PTPRD: variants seen among roughly 807,000 people sequenced by gnomAD.
PTPRD encodes receptor-type tyrosine-protein phosphatase delta.
In PTPRD, 34 loss-of-function variants were observed where a neutral mutation model predicts 214.5. That is an observed-to-expected ratio of 0.16 (90% CI 0.12 to 0.21). The LOEUF (loss-of-function observed/expected upper bound fraction) is 0.21, where lower values mean the gene tolerates loss of function less well. PTPRD is among the 10% of genes least tolerant of loss of function. PTPRD has a pLI of 1.00. For synonymous variants in PTPRD, 1,128 were observed against 845.7 expected (o/e 1.33, Z -5.79); for missense variants, 2,545 against 2,398.7 (o/e 1.06, Z -1.27).
chr9:9,800,908 T>G (rs999378864), intron 5 of PTPRD, among the ~76,000 whole-genome samples: 1 of 152,176 alleles, frequency 6.6e-6, no homozygotes, highest in Non-Finnish European at 1.5e-5. Flanking sequence ...CAGAAGCATT[T>G]ACATCTCTGA....
chr9:9,952,046 G>T (rs2093501755), intron 4 of PTPRD, among the ~76,000 whole-genome samples: 1 of 152,182 alleles, frequency 6.6e-6, no homozygotes, highest in Non-Finnish European at 1.5e-5. Context: ...TTTTGGCAAA[G>T]TATTGAGGAG....
chr9:8,327,369 T>C (rs1001575753), intron 44 of PTPRD, among the ~76,000 whole-genome samples: 28 of 152,066 alleles, frequency 1.8e-4, no homozygotes, highest in African/African-American at 6.8e-4. Flanking sequence ...AATCTTGAGT[T>C]CTAATTTGAT....
chr9:8,838,205 A>G (rs2097480121), intron 11 of PTPRD, among the ~76,000 whole-genome samples: 1 of 152,180 alleles, frequency 6.6e-6, no homozygotes. Context: ...ACCCATGAAC[A>G]GAAACCAGAA....
intron 7 of PTPRD, among the ~76,000 whole-genome samples, chr9:9,729,792 C>A (rs1389440224): frequency 6.6e-6 from 1 of 151,864 alleles, no homozygotes; most frequent in Non-Finnish European, 1.5e-5. Context: ...TTAGTAAATT[C>A]ATGAGAGTAT....
chr9:9,981,039 C>A (rs1297225922), intron 4 of PTPRD, among the ~76,000 whole-genome samples: 2 of 141,704 alleles, frequency 1.4e-5, no homozygotes, highest in African/African-American at 2.6e-5. Flanking sequence ...ATTCCAAGAT[C>A]TATTTCCTAA....
chr9:10,210,819 A>ATATGTATG (rs1261761491), intron 3 of PTPRD, among the ~76,000 whole-genome samples: 3 of 70,182 alleles, frequency 4.3e-5, no homozygotes, highest in African/African-American at 1.6e-4. Flanking sequence ...ATATATATAT[A>ATATGTATG]TATGTATGTA....
intron 11 of PTPRD, among the ~76,000 whole-genome samples, chr9:8,997,437 A>C (rs1046089986): frequency 1.1e-4 from 17 of 151,914 alleles, no homozygotes; most frequent in Admixed American, 8.5e-4. Context: ...GCGATCACTG[A>C]TCTCTGATGT....
intron 23 of PTPRD, among the ~76,000 whole-genome samples, chr9:8,501,457 C>G (rs1209687112): frequency 1.1e-4 from 16 of 152,146 alleles, no homozygotes; most frequent in Admixed American, 9.8e-4. Context: ...ACTTGAGGGT[C>G]TGATGATGCC....
intron 3 of PTPRD, among the ~76,000 whole-genome samples, chr9:10,285,478 G>A (rs921500843): frequency 2.0e-5 from 3 of 151,928 alleles, no homozygotes; most frequent in African/African-American, 7.3e-5. Context: ...TATTCTTATA[G>A]AAACATTACA....
intron 14 of PTPRD, among the ~76,000 whole-genome samples, chr9:8,602,554 T>C (rs1448556695): frequency 1.3e-5 from 2 of 152,224 alleles, no homozygotes; most frequent in Non-Finnish European, 2.9e-5. Context: ...AAATTGTTTT[T>C]CAAAACTGCA....
chr9:8,574,990 A>G (rs1024582984), intron 14 of PTPRD, among the ~76,000 whole-genome samples: 1 of 152,160 alleles, frequency 6.6e-6, no homozygotes, highest in African/African-American at 2.4e-5. Flanking sequence ...CAACCTTGGC[A>G]ATAAAGGCAC....
intron 5 of PTPRD, among the ~76,000 whole-genome samples, chr9:9,888,730 C>A (rs958322129): frequency 6.6e-6 from 1 of 152,064 alleles, no homozygotes; most frequent in Non-Finnish European, 1.5e-5. Flanking sequence ...GAACCATGAG[C>A]CAAATAGGCC....
chr9:8,876,166 C>G (rs2098387370), intron 11 of PTPRD, among the ~76,000 whole-genome samples: 1 of 152,036 alleles, frequency 6.6e-6, no homozygotes, highest in Non-Finnish European at 1.5e-5. Flanking sequence ...CAGTTTTGTT[C>G]TAATATTCTG....
intron 9 of PTPRD, among the ~76,000 whole-genome samples, chr9:9,308,400 T>C (rs1200844888): frequency 6.6e-6 from 1 of 152,204 alleles, no homozygotes; most frequent in Non-Finnish European, 1.5e-5. Context: ...TATACTATAA[T>C]GGTCTTTGGA....
intron 7 of PTPRD, among the ~76,000 whole-genome samples, chr9:9,677,791 A>G (rs900096907): frequency 2.6e-5 from 4 of 152,134 alleles, no homozygotes; most frequent in African/African-American, 4.8e-5. Flanking sequence ...CCCTGTTTGC[A>G]GATGACATGA....
intron 44 of PTPRD, among the ~76,000 whole-genome samples, chr9:8,328,701 A>G (rs1197889850): frequency 1.3e-5 from 2 of 149,282 alleles, no homozygotes; most frequent in Non-Finnish European, 3.0e-5. Context: ...ATATAGTCCC[A>G]TATTTCTCGG....
chr9:9,354,218 T>A (rs1223043850), intron 9 of PTPRD, among the ~76,000 whole-genome samples: 1 of 151,796 alleles, frequency 6.6e-6, no homozygotes, highest in African/African-American at 2.4e-5. Flanking sequence ...TATAACCTAA[T>A]CATGATAATG....
intron 36 of PTPRD, among the ~76,000 whole-genome samples, chr9:8,398,812 C>G (rs1218353470): frequency 2.6e-5 from 4 of 152,150 alleles, no homozygotes; most frequent in African/African-American, 9.7e-5. Context: ...TGATCTTAGA[C>G]TTCCCAGACT....
intron 8 of PTPRD, among the ~76,000 whole-genome samples, chr9:9,491,016 A>G (rs950314086): frequency 6.6e-6 from 1 of 151,920 alleles, no homozygotes; most frequent in African/African-American, 2.4e-5. Flanking sequence ...CAGAATGAAT[A>G]AAAATTAATG....
Sources: allele counts gnomAD v4.1 joint callset (sites outside exome capture counted in the v4.1 genomes callset), GRCh38; gene constraint gnomAD v4.1.1; transcripts MANE v1.5; gene names NCBI Gene and HGNC (gene_info 2026-07-23, HGNC 2026-07-21).